The following C9orf153 variants were observed in gnomAD, a reference collection of about 807,000 sequenced individuals.
C9orf153 encodes uncharacterized protein C9orf153.
In C9orf153, 10 loss-of-function variants were observed where a neutral mutation model predicts 9.0. That is an observed-to-expected ratio of 1.11 (90% CI 0.69 to 1.89). The LOEUF (loss-of-function observed/expected upper bound fraction) is 1.89, where lower values mean the gene tolerates loss of function less well. C9orf153 is among the 40% of genes most tolerant of loss of function. C9orf153 has a pLI of 0.00. For missense variants in C9orf153, 108 were observed against 111.0 expected (o/e 0.97, Z 0.12); for synonymous variants, 35 against 37.3 (o/e 0.94, Z 0.23).
intron 1 of C9orf153, among the ~76,000 whole-genome samples, chr9:86,253,513 A>C (rs1239971013): frequency 6.6e-6 from 1 of 152,210 alleles, no homozygotes; most frequent in Non-Finnish European, 1.5e-5. Context: ...CCTAATTTGA[A>C]ATTCTTTATG....
chr9:86,259,117 C>A (rs1334421610), intron 1 of C9orf153, among the ~76,000 whole-genome samples: 1 of 151,530 alleles, frequency 6.6e-6, no homozygotes, highest in African/African-American at 2.4e-5. Flanking sequence ...GCAGCCTCAA[C>A]CTCCCAGGCT....
At chr9:86,248,105 CTTTA>C (rs1484358191) in intron 1 of C9orf153, among the ~76,000 whole-genome samples, 2 of 152,096 alleles carry the variant, frequency 1.3e-5, no homozygotes, top group South Asian at 2.1e-4. Context: ...AGGGGTTGCA[CTTTA>C]TTTATTTTTT....
intron 1 of C9orf153, among the ~76,000 whole-genome samples, chr9:86,231,970 C>T (rs1262913274): frequency 6.6e-6 from 1 of 152,146 alleles, no homozygotes; most frequent in African/African-American, 2.4e-5. Context: ...AAATTTTCTC[C>T]TCCCTTCCCT....
intron 1 of C9orf153, among the ~76,000 whole-genome samples, chr9:86,230,139 T>C (rs1429809634): frequency 1.3e-5 from 2 of 152,190 alleles, no homozygotes; most frequent in East Asian, 3.9e-4. Flanking sequence ...AGCATATCAA[T>C]ACAATTTAAA....
chr9:86,234,728 T>G (rs1225915550), intron 1 of C9orf153, among the ~76,000 whole-genome samples: 1 of 152,186 alleles, frequency 6.6e-6, no homozygotes, highest in Non-Finnish European at 1.5e-5. Flanking sequence ...TCATCACAAT[T>G]AAAAACTTTG....
chr9:86,229,334 C>A (rs373961109), intron 2 of C9orf153, among the ~76,000 whole-genome samples: 1 of 151,812 alleles, frequency 6.6e-6, no homozygotes, highest in Admixed American at 6.6e-5. Context: ...CACACTATCA[C>A]GAAAACAGCT....
chr9:86,234,974 C>T (rs1453624445), intron 1 of C9orf153, among the ~76,000 whole-genome samples: 1 of 152,148 alleles, frequency 6.6e-6, no homozygotes, highest in Non-Finnish European at 1.5e-5. Flanking sequence ...GAAGTAAGGT[C>T]ACAGGGCAAA....
At chr9:86,254,627 T>A (rs1227500732) in intron 1 of C9orf153, among the ~76,000 whole-genome samples, 1 of 152,218 alleles carries the variant, frequency 6.6e-6, no homozygotes, top group Non-Finnish European at 1.5e-5. Flanking sequence ...CATTACTCTG[T>A]TTTTCTTCTG....
intron 3 of C9orf153, among the ~76,000 whole-genome samples, chr9:86,222,761 C>G (rs544607672): frequency 5.9e-5 from 9 of 152,064 alleles, no homozygotes; most frequent in African/African-American, 2.2e-4. Flanking sequence ...CAACGGGCCA[C>G]GGGAACAAGT....
intron 1 of C9orf153, among the ~76,000 whole-genome samples, chr9:86,236,346 C>T (rs957665862): frequency 2.6e-5 from 4 of 151,616 alleles, no homozygotes; most frequent in Non-Finnish European, 4.4e-5. Flanking sequence ...GTCAGGAGTT[C>T]GAGACCAGCC....
intron 1 of C9orf153, among the ~76,000 whole-genome samples, chr9:86,235,557 C>T (rs1824564181): frequency 6.6e-6 from 1 of 151,688 alleles, no homozygotes; most frequent in Admixed American, 6.6e-5. Context: ...GAGTTCAAGA[C>T]CAGCCTGACC....
chr9:86,224,524 A>G (rs1824275232), intron 3 of C9orf153, among the ~76,000 whole-genome samples: 1 of 152,122 alleles, frequency 6.6e-6, no homozygotes, highest in Non-Finnish European at 1.5e-5. Flanking sequence ...GCTAGAAGGA[A>G]GGCTTTTCAA....
At position 86,229,690 on chromosome 9, in the gene C9orf153, A is replaced by C. The variant is rs1824424140; in HGVS notation, c.-26-61T>G. The C allele has an allele frequency of 5.1e-6, 5 of 974,910 alleles. No individual in the cohort carries two copies. The South Asian group carries it at 7.2e-5, about 14-fold the overall frequency. 60.4% of individuals were successfully genotyped at this position (974,910 alleles called of 1,614,324 possible). A position where few individuals can be genotyped will look rare whatever the true frequency, so the allele number is the denominator to read the frequency against. On this transcript the variant is annotated intron_variant, in intron 1 of 3. Coordinates refer to ENST00000339137, the MANE Select transcript of C9orf153 (RefSeq NM_001276366.4). Reference sequence around the variant, plus strand: ...AGATTAAAAATCAGATAGAATACAAAGGGGGAGGTGAGACTTCTTAAATCT... The same window carrying C: ...AGATTAAAAATCAGATAGAATACAACGGGGGAGGTGAGACTTCTTAAATCT...
At chr9:86,234,340 T>C (rs1027226909) in intron 1 of C9orf153, among the ~76,000 whole-genome samples, 1 of 152,212 alleles carries the variant, frequency 6.6e-6, no homozygotes, top group Non-Finnish European at 1.5e-5. Flanking sequence ...TGAATAGCTA[T>C]TGTGTCATAT....
rs1234512624 is a variant in C9orf153 at position 86,229,609 on chromosome 9, T to C, written c.-6A>G. On this transcript the variant is annotated 5_prime_UTR_variant, in exon 2 of 4. Coordinates refer to ENST00000339137, the MANE Select transcript of C9orf153 (RefSeq NM_001276366.4). Reference sequence around the variant, plus strand: ...GTGTCTCCAGTGAGGAACATCGTGCTGGGATTTTATTCTCTAATTCCTAAA... The same window carrying C: ...GTGTCTCCAGTGAGGAACATCGTGCCGGGATTTTATTCTCTAATTCCTAAA... The C allele has an allele frequency of 1.2e-6, 2 of 1,606,482 alleles. No homozygotes were observed. Among genetic ancestry groups the C allele is most frequent in the Middle Eastern group, 1.7e-4 (1 of 6,056 alleles).
At chr9:86,233,941 G>A (rs1225152641) in intron 1 of C9orf153, among the ~76,000 whole-genome samples, 54 of 152,020 alleles carry the variant, frequency 3.6e-4, no homozygotes, top group Non-Finnish European at 7.4e-5. Flanking sequence ...AAATTAGCTG[G>A]GCATGGTGGT....
intron 1 of C9orf153, among the ~76,000 whole-genome samples, chr9:86,252,257 C>T (rs1825012093): frequency 1.3e-5 from 2 of 152,164 alleles, no homozygotes; most frequent in South Asian, 2.1e-4. Context: ...TGGTCTCAAA[C>T]TCCTGACCTC....
chr9:86,225,561 C>T (rs955793799), intron 3 of C9orf153, among the ~76,000 whole-genome samples: 1 of 151,880 alleles, frequency 6.6e-6, no homozygotes, highest in Non-Finnish European at 1.5e-5. Flanking sequence ...TGGGTTCAAG[C>T]GATTCTCCTG....
intron 1 of C9orf153, among the ~76,000 whole-genome samples, chr9:86,259,081 G>A (rs1036182507): frequency 1.3e-5 from 2 of 151,202 alleles, no homozygotes; most frequent in Non-Finnish European, 2.9e-5. Context: ...CCCAGCTGGA[G>A]TGCAGTGGCG....
Sources: gnomAD v4.1 joint callset for allele counts (sites outside exome capture counted in the v4.1 genomes callset) on GRCh38, gnomAD v4.1.1 for gene constraint, MANE v1.5 for transcripts, NCBI Gene and HGNC (gene_info 2026-07-23, HGNC 2026-07-21) for gene names.